Variants in YWHAE observed in about 807,000 individuals in gnomAD.
The protein encoded by YWHAE is tyrosine 3-monooxygenase/tryptophan 5-monooxygenase activation protein epsilon.
Under a neutral mutation model 30.1 loss-of-function variants are expected in YWHAE, and 4 were observed. The observed-to-expected ratio is 0.13, with a 90% CI of 0.07 to 0.30. The LOEUF is 0.30. Ranked by LOEUF, YWHAE falls within the 10% of genes least tolerant of loss-of-function variation. YWHAE has a pLI of 1.00. For missense variants in YWHAE, 121 were observed against 315.9 expected, an observed-to-expected ratio of 0.38 and a Z score of 4.68; for synonymous variants, 118 against 111.8, an observed-to-expected ratio of 1.06 and a Z score of -0.35.
chr17:1,369,140 C>G (rs1223113287), intron 1 of YWHAE, among the ~76,000 whole-genome samples: 1 of 152,118 alleles, frequency 6.6e-6, no homozygotes, highest in Non-Finnish European at 1.5e-5. Context: ...ATTATAGAAG[C>G]AACAATTATC....
chr17:1,384,372 A>C (rs1433946195), intron 1 of YWHAE, among the ~76,000 whole-genome samples: 1 of 151,814 alleles, frequency 6.6e-6, no homozygotes, highest in Non-Finnish European at 1.5e-5. Context: ...ACCACATCTC[A>C]AAACATTAAG....
chr17:1,394,460 A>AAAAAAAAACC (rs1555647412), intron 1 of YWHAE, among the ~76,000 whole-genome samples: 1 of 137,630 alleles, frequency 7.3e-6, no homozygotes, highest in African/African-American at 2.9e-5. Flanking sequence ...AAAAAAAAAA[A>AAAAAAAAACC]ACACAAAAAT....
intron 4 of YWHAE, among the ~76,000 whole-genome samples, chr17:1,358,847 A>AAG (rs1555640211): frequency 1.3e-5 from 2 of 148,446 alleles, no homozygotes; most frequent in Non-Finnish European, 3.0e-5. Flanking sequence ...AAAAAAAAAA[A>AAG]GGGCTGGCCA....
intron 4 of YWHAE, among the ~76,000 whole-genome samples, chr17:1,358,544 A>G (rs1032706928): frequency 9.9e-5 from 15 of 151,508 alleles, no homozygotes; most frequent in Non-Finnish European, 1.5e-4. Context: ...CAGCCCAAAA[A>G]AAATTTAAAA....
At chr17:1,361,847 G>T (rs1460123088) in intron 3 of YWHAE, 55 bp downstream of exon 3, 1 of 1,224,922 alleles carries the variant, frequency 8.2e-7, no homozygotes, top group African/African-American at 1.5e-5. Context: ...CAAAGTTATG[G>T]TTCTAAAAGG....
chr17:1,392,272 G>A (rs2073399706), intron 1 of YWHAE, among the ~76,000 whole-genome samples: 1 of 152,194 alleles, frequency 6.6e-6, no homozygotes, highest in Non-Finnish European at 1.5e-5. Context: ...CTAAGTGGGA[G>A]GCTGAGATGG....
At chr17:1,379,528 GA>G (rs776078474) in intron 1 of YWHAE, among the ~76,000 whole-genome samples, 1 of 151,940 alleles carries the variant, frequency 6.6e-6, no homozygotes, top group Non-Finnish European at 1.5e-5. Context: ...TTCGAATGAC[GA>G]AAAAAACTAT....
At chr17:1,394,436 C>CA (rs544115909) in intron 1 of YWHAE, among the ~76,000 whole-genome samples, 1,786 of 58,462 alleles carry the variant, frequency 0.031, 36 homozygotes, top group East Asian at 0.11. Context: ...CTCAAATCCA[C>CA]AAAAAAAAAA....
At chr17:1,396,891 G>C (rs746255580) in intron 1 of YWHAE, among the ~76,000 whole-genome samples, 10 of 150,900 alleles carry the variant, frequency 6.6e-5, no homozygotes, top group Non-Finnish European at 1.5e-4. Flanking sequence ...CAAAGTACTG[G>C]GATTACAGGC....
chr17:1,365,666 G>T (rs983279435), intron 1 of YWHAE, among the ~76,000 whole-genome samples: 1 of 152,102 alleles, frequency 6.6e-6, no homozygotes, highest in South Asian at 2.1e-4. Flanking sequence ...CAAGCATAGG[G>T]AAACACAACG....
At chr17:1,371,320 T>C (rs1483678313) in intron 1 of YWHAE, among the ~76,000 whole-genome samples, 2 of 152,132 alleles carry the variant, frequency 1.3e-5, no homozygotes, top group Non-Finnish European at 2.9e-5. Flanking sequence ...CTTGTGCTCA[T>C]GTGACCCACC....
chr17:1,394,436 C>CAAAAAAAAAAAAAAAAAAAAA (rs544115909), intron 1 of YWHAE, among the ~76,000 whole-genome samples: 11 of 58,544 alleles, frequency 1.9e-4, no homozygotes, highest in African/African-American at 9.7e-4. Context: ...CTCAAATCCA[C>CAAAAAAAAAAAAAAAAAAAAA]AAAAAAAAAA....
chr17:1,385,403 G>A (rs909735984), intron 1 of YWHAE, among the ~76,000 whole-genome samples: 1 of 152,082 alleles, frequency 6.6e-6, no homozygotes, highest in Non-Finnish European at 1.5e-5. Context: ...CTACTGAAAA[G>A]GTACACAACG....
Position 1,400,158 on chromosome 17 carries a change from G to C in YWHAE, c.-48C>G, listed in dbSNP as rs1427289124. 1.9e-6 allele frequency: 3 copies of C among 1,608,462 alleles called. No homozygotes were observed. The highest frequency in any genetic ancestry group is 2.6e-6 in the Non-Finnish European group (3 of 1,175,100). ...TCTGCGCGACGGATGGAAGCGGATA[G>C]TGTCTCCGACTCTCTCAGCCTCTCG... is the stretch of plus-strand genomic sequence containing the variant. On this transcript the variant is annotated 5_prime_UTR_variant, in exon 1 of 6. Coordinates refer to ENST00000264335, the MANE Select transcript of YWHAE (RefSeq NM_006761.5).
At chr17:1,364,243 T>A (rs2072908403) in intron 2 of YWHAE, among the ~76,000 whole-genome samples, 1 of 140,298 alleles carries the variant, frequency 7.1e-6, no homozygotes, top group South Asian at 2.2e-4. Context: ...TTTTTTTTTT[T>A]AGATGGAGTC....
intron 2 of YWHAE, 113 bp from the exon 3 acceptor site, chr17:1,362,121 A>G (rs1175389775): frequency 3.4e-6 from 2 of 585,662 alleles, no homozygotes. Flanking sequence ...AAGAATTTGT[A>G]TCCCTCTCCA....
chr17:1,359,763 ATAG>A (rs1480908681), intron 4 of YWHAE, among the ~76,000 whole-genome samples: 2 of 151,312 alleles, frequency 1.3e-5, no homozygotes, highest in East Asian at 1.9e-4. Flanking sequence ...AAGTTTTCAA[ATAG>A]TGGTGATTAC....
chr17:1,399,860 G>A (rs1298926450), intron 1 of YWHAE, 187 bp downstream of exon 1: 3 of 681,412 alleles, frequency 4.4e-6, no homozygotes, highest in East Asian at 2.8e-5. Context: ...GACGGCGAAG[G>A]GGTCACATTC....
At chr17:1,375,203 T>C (rs981259566) in intron 1 of YWHAE, among the ~76,000 whole-genome samples, 1 of 152,210 alleles carries the variant, frequency 6.6e-6, no homozygotes, top group African/African-American at 2.4e-5. Flanking sequence ...CCAATATCAC[T>C]GTCATCTTTA....
Sources: gnomAD v4.1 joint callset for allele counts (sites outside exome capture counted in the v4.1 genomes callset) on GRCh38, gnomAD v4.1.1 for gene constraint, MANE v1.5 for transcripts, NCBI Gene and HGNC (gene_info 2026-07-23, HGNC 2026-07-21) for gene names.